Variants in CAMK1D observed in about 807,000 individuals in gnomAD.
CAMK1D encodes calcium/calmodulin-dependent protein kinase type 1D.
In CAMK1D, 9 loss-of-function variants were observed where a neutral mutation model predicts 47.7. That is an observed-to-expected ratio of 0.19 (90% CI 0.11 to 0.33). The LOEUF (loss-of-function observed/expected upper bound fraction) is 0.33, where lower values mean the gene tolerates loss of function less well. Among genes scored for constraint, CAMK1D ranks in the 10% least tolerant of loss-of-function variants. CAMK1D has a pLI of 1.00. For missense variants in CAMK1D, 291 were observed against 488.7 expected, an observed-to-expected ratio of 0.60 and a Z score of 3.81; for synonymous variants, 184 against 184.9, an observed-to-expected ratio of 0.99 and a Z score of 0.04.
chr10:12,558,826 T>C (rs766835291), intron 2 of CAMK1D, among the ~76,000 whole-genome samples: 17 of 152,112 alleles, frequency 1.1e-4, no homozygotes, highest in Non-Finnish European at 1.6e-4. Flanking sequence ...GATGCCTGCT[T>C]TGTAAGCTGC....
At chr10:12,384,128 T>C (rs1162052754) in intron 1 of CAMK1D, among the ~76,000 whole-genome samples, 1 of 152,184 alleles carries the variant, frequency 6.6e-6, no homozygotes, top group Non-Finnish European at 1.5e-5. Flanking sequence ...GAATAAGATA[T>C]TTAGGAGTAA....
At chr10:12,716,563 C>T (rs767479225) in intron 3 of CAMK1D, among the ~76,000 whole-genome samples, 1 of 152,006 alleles carries the variant, frequency 6.6e-6, no homozygotes, top group African/African-American at 2.4e-5. Context: ...AAGTATGTGC[C>T]GTGTCATGAG....
intron 5 of CAMK1D, among the ~76,000 whole-genome samples, chr10:12,788,745 G>T (rs116883644): frequency 6.6e-6 from 1 of 152,302 alleles, no homozygotes; most frequent in South Asian, 2.1e-4. Flanking sequence ...TGAGAAATAC[G>T]CTCTTAGCAG....
chr10:12,826,006 G>A (rs1178976747), intron 10 of CAMK1D: 10 of 315,988 alleles, frequency 3.2e-5, no homozygotes, highest in Non-Finnish European at 5.9e-5. Flanking sequence ...GTGTGGTGGC[G>A]AGCACCTGTA....
chr10:12,763,223 G>C (rs982425179), intron 4 of CAMK1D, among the ~76,000 whole-genome samples: 2 of 152,112 alleles, frequency 1.3e-5, no homozygotes, highest in Non-Finnish European at 2.9e-5. Flanking sequence ...TGATCTATGA[G>C]GAGGAAGTTG....
chr10:12,446,257 G>T (rs1832921881), intron 1 of CAMK1D, among the ~76,000 whole-genome samples: 1 of 152,168 alleles, frequency 6.6e-6, no homozygotes, highest in Non-Finnish European at 1.5e-5. Context: ...AGCCCCGAGG[G>T]CTGCTGGTTT....
At chr10:12,776,841 A>G (rs1837269523) in intron 5 of CAMK1D, among the ~76,000 whole-genome samples, 2 of 152,212 alleles carry the variant, frequency 1.3e-5, no homozygotes, top group Non-Finnish European at 2.9e-5. Flanking sequence ...CACGACACCA[A>G]ATAGAGGGTG....
intron 3 of CAMK1D, among the ~76,000 whole-genome samples, chr10:12,738,012 T>C (rs1477678273): frequency 2.0e-5 from 3 of 152,140 alleles, no homozygotes; most frequent in Non-Finnish European, 4.4e-5. Context: ...AATCACAAGG[T>C]CTTTGGGAAG....
At chr10:12,534,017 T>G (rs1182321645) in intron 1 of CAMK1D, among the ~76,000 whole-genome samples, 1 of 152,202 alleles carries the variant, frequency 6.6e-6, no homozygotes, top group African/African-American at 2.4e-5. Context: ...AGAGTTCTTC[T>G]GCAAGCTTCA....
intron 2 of CAMK1D, among the ~76,000 whole-genome samples, chr10:12,629,578 G>A (rs555849361): frequency 3.3e-5 from 5 of 152,280 alleles, no homozygotes; most frequent in Admixed American, 6.5e-5. Context: ...TTGTGTGGGA[G>A]GGTCCTGATT....
At chr10:12,660,609 T>G (rs1007117645) in intron 2 of CAMK1D, among the ~76,000 whole-genome samples, 1 of 152,232 alleles carries the variant, frequency 6.6e-6, no homozygotes, top group African/African-American at 2.4e-5. Context: ...TGACTCTCTC[T>G]GCCTGGACCC....
chr10:12,744,575 C>A (rs567781834), intron 3 of CAMK1D, among the ~76,000 whole-genome samples: 21 of 152,092 alleles, frequency 1.4e-4, no homozygotes, highest in African/African-American at 5.1e-4. Flanking sequence ...AAAAAACACA[C>A]TGGCAACAAA....
At chr10:12,626,470 T>G (rs1463100802) in intron 2 of CAMK1D, among the ~76,000 whole-genome samples, 1 of 132,362 alleles carries the variant, frequency 7.6e-6, no homozygotes, top group Non-Finnish European at 1.7e-5. Flanking sequence ...CAATTTTCTT[T>G]CTTTCTTTTT....
chr10:12,807,580 G>A (rs970243229), intron 6 of CAMK1D, among the ~76,000 whole-genome samples: 2 of 152,188 alleles, frequency 1.3e-5, no homozygotes, highest in East Asian at 3.9e-4. Flanking sequence ...CTCTGAGCAG[G>A]CAGCGTCCAC....
At chr10:12,663,601 G>A (rs1247667867) in intron 2 of CAMK1D, among the ~76,000 whole-genome samples, 4 of 152,164 alleles carry the variant, frequency 2.6e-5, no homozygotes, top group Non-Finnish European at 5.9e-5. Context: ...GGAGGGCTGA[G>A]ACTGCCTTTC....
chr10:12,642,351 G>A (rs778102556), intron 2 of CAMK1D, among the ~76,000 whole-genome samples: 1 of 152,208 alleles, frequency 6.6e-6, no homozygotes, highest in African/African-American at 2.4e-5. Flanking sequence ...TGAATGAATC[G>A]TTGACTGTCC....
At chr10:12,538,109 G>A (rs10795958) in intron 1 of CAMK1D, among the ~76,000 whole-genome samples, 6,479 of 152,228 alleles carry the variant, frequency 0.043, 250 homozygotes, top group East Asian at 0.12. Flanking sequence ...TGTGAGGCCC[G>A]TGGAAAGGGG....
In CAMK1D at chr10:12,448,225, A is replaced by G. The variant is rs187330622; in HGVS notation, c.92+98315A>G. Among the ~76,000 whole-genome samples, 9 of 148,692 alleles carry G rather than the reference A, an allele frequency of 6.1e-5. No individual in the cohort carries two copies. In the East Asian group the frequency reaches 1.8e-3, roughly 30 times the overall value. Reference sequence around the variant, plus strand: ...TATTTATTTATTTTTTTGTTTCTCTATATTGCCCAGGCTGATCTTGAACTC... The same window carrying G: ...TATTTATTTATTTTTTTGTTTCTCTGTATTGCCCAGGCTGATCTTGAACTC... On this transcript the variant is annotated intron_variant, in intron 1 of 10. Coordinates refer to ENST00000619168, the MANE Select transcript of CAMK1D (RefSeq NM_153498.4).
intron 1 of CAMK1D, among the ~76,000 whole-genome samples, chr10:12,437,257 T>C (rs933848778): frequency 1.3e-5 from 2 of 152,196 alleles, no homozygotes; most frequent in East Asian, 3.9e-4. Context: ...AGTGGCACGA[T>C]CTCGGCTTAC....
Sources: gnomAD v4.1 joint callset for allele counts (sites outside exome capture counted in the v4.1 genomes callset) on GRCh38, gnomAD v4.1.1 for gene constraint, MANE v1.5 for transcripts, NCBI Gene and HGNC (gene_info 2026-07-23, HGNC 2026-07-21) for gene names.